The following CANT1 variants were observed in gnomAD, a reference collection of about 807,000 sequenced individuals.
CANT1 encodes calcium activated nucleotidase 1.
Under a neutral mutation model 30.0 loss-of-function variants are expected in CANT1, and 26 were observed. That is an observed-to-expected ratio of 0.87 (90% confidence interval 0.64 to 1.20). CANT1 has a LOEUF of 1.20. Ranked by LOEUF, CANT1 falls within the 50% of genes most tolerant of loss-of-function variation. The probability of loss-of-function intolerance (pLI) is 0.00; values close to 1 mark genes in which losing one functional copy is unlikely to be tolerated. For synonymous variants in CANT1, 246 were observed against 251.8 expected, an observed-to-expected ratio of 0.98 and a Z score of 0.22; for missense variants, 518 against 563.0, an observed-to-expected ratio of 0.92 and a Z score of 0.81.
rs1599229662 is a variant in CANT1 at position 78,998,348 on chromosome 17, C to T, written c.-146-385G>A. On this transcript the variant is annotated intron_variant, in intron 1 of 4. Coordinates refer to ENST00000392446, the MANE Select transcript of CANT1 (RefSeq NM_001159773.2). This position sits in a 1 kb window ranked among gnomAD's most constrained non-coding sequence, Gnocchi z 4.5. The stretch of plus-strand genomic sequence containing the variant: ...TAAAAACACTCCTTCTTTTTCGTAT[C>T]TGTTGTTGTTTTTGGCAGTGTCTGT... The T allele has an allele frequency of 1.3e-5, 2 of 152,450 alleles. No individual in the cohort carries two copies. The highest frequency in any genetic ancestry group is 4.8e-5 in the African/African-American group (2 of 41,472). 9.4% of individuals were successfully genotyped at this position (152,450 alleles called of 1,614,324 possible). A position where few individuals can be genotyped will look rare whatever the true frequency, so the allele number is the denominator to read the frequency against.
In CANT1 at chr17:78,997,293, G is replaced by A. The variant is rs368963278; in HGVS notation, c.330C>T (p.Ile110=). 3.8e-5 allele frequency: 61 copies of A among 1,614,054 alleles called. No individual in the cohort carries two copies. Among genetic ancestry groups the A allele is most frequent in the African/African-American group, 2.0e-4 (15 of 74,924 alleles). The change falls in exon 3 of 5, where the codon ATC becomes ATT. Residue 110 remains isoleucine (I), a synonymous_variant. Transcript: ENST00000392446. The surrounding 1 kb of genome is among the most constrained non-coding windows in gnomAD (Gnocchi z 7.5). ...CCCTTGACTCTGTGTCCAGGTCTGC[G>A]ATAACTGCGATTCGATACCGAATCC... ...PAGIRYRIAV[I]ADLDTESRAQ...
In CANT1 at chr17:78,997,014, G is replaced by A. The variant is rs200199592; in HGVS notation, c.609C>T (p.Asp203=). The change falls in exon 3 of 5, where the codon GAC becomes GAT. Residue 203 remains aspartate, a synonymous_variant. Transcript: ENST00000392446. This position sits in a 1 kb window ranked among gnomAD's most constrained non-coding sequence, Gnocchi z 7.5. ...TACCTTTCTCCACGGTGCCGTCGCC[G>A]TCGGACAGAATCACCCAGGGCACGG... ...SKAVPWVILS[D]GDGTVEKGFK... 4.9e-5 allele frequency: 79 copies of A among 1,614,162 alleles called. No individual in the cohort carries two copies. The highest frequency in any genetic ancestry group is 4.1e-4 in the South Asian group (37 of 91,088).
At chr17:79,001,661 C>G (rs983854351) in intron 1 of CANT1, among the ~76,000 whole-genome samples, 1 of 151,458 alleles carries the variant, frequency 6.6e-6, no homozygotes, top group Non-Finnish European at 1.5e-5. Context: ...CCACCTGAAG[C>G]CTTCACCAGT....
intron 1 of CANT1, among the ~76,000 whole-genome samples, chr17:79,001,034 G>C (rs1330133013): frequency 6.6e-6 from 1 of 152,130 alleles, no homozygotes; most frequent in East Asian, 1.9e-4. Context: ...CCCACCTTAG[G>C]CATATTATGA....
rs1324275618 is a variant in CANT1, at chr17:78,996,408, C to T, written c.631+584G>A. Among the ~76,000 whole-genome samples, 1 of 152,200 alleles carries T rather than the reference C, an allele frequency of 6.6e-6. No homozygotes were observed. The highest frequency in any genetic ancestry group is 1.5e-5 in the Non-Finnish European group (1 of 68,032). On this transcript the variant is annotated intron_variant, in intron 3 of 4. Transcript: ENST00000392446. This position sits in a 1 kb window ranked among gnomAD's most constrained non-coding sequence, Gnocchi z 5.1. ...CACTGGCCACCGTGCCTCCCCAAAG[C>T]CTGTCCCTGCCCTGTGGAAGCAGCA...
chr17:78,992,372 G>T lies in CANT1; in HGVS notation c.*1178C>A, dbSNP rs181138576. ...GTGCTGTGGGGAGGGCACTGTGAAT[G>T]ATGGAAACGTCCCTTCTCAGCCTGG... On this transcript the variant is annotated 3_prime_UTR_variant, in exon 5 of 5. Coordinates refer to ENST00000392446, the MANE Select transcript of CANT1 (RefSeq NM_001159773.2). 8.1e-4 allele frequency: 226 copies of T among 280,376 alleles called. 1 individual carries two copies. Among genetic ancestry groups the T allele is most frequent in the African/African-American group, 4.2e-3 (200 of 47,284 alleles). 17.4% of individuals were successfully genotyped at this position (280,376 alleles called of 1,614,324 possible).
chr17:78,995,178 G>T lies in CANT1; in HGVS notation c.675C>A (p.Tyr225Ter). 6.2e-7 allele frequency: 1 copy of T among 1,613,924 alleles called. No homozygotes were observed. Among genetic ancestry groups the T allele is most frequent in the Non-Finnish European group, 8.5e-7 (1 of 1,179,928 alleles). The change falls in exon 4 of 5, where the codon TAC becomes TAA. Residue 225 changes from tyrosine (Y) to a stop codon, truncating the protein, a stop_gained. Transcript: ENST00000392446. LOFTEE classifies it high-confidence loss of function. The surrounding 1 kb of genome is among the most constrained non-coding windows in gnomAD (Gnocchi z 5.7). ...TCCACTCCTTGCCCAGGCCGCCCACGTACAGACGCTCGTCCTTCACTGCCA... is the reference window on the plus strand; with the variant it reads ...TCCACTCCTTGCCCAGGCCGCCCACTTACAGACGCTCGTCCTTCACTGCCA... The part of the protein sequence containing the change: ...EWLAVKDERL[Y>*]VGGLGKEWTT...
rs767659113 is a variant in CANT1, at chr17:78,997,373, C to T, written c.250G>A (p.Ala84Thr). ...AHNWRLGQAP[A>T]NWYNDTYPLS... The stretch of plus-strand genomic sequence containing the variant: ...GGGTAGGTGTCATTGTACCAGTTGG[C>T]GGGCGCCTGGCCGAGCCTCCAGTTG... Residue 84 changes from alanine (A) to threonine (T), a missense_variant, in exon 3 of 5, where the codon GCC becomes ACC. Ala to Thr is a moderately conservative substitution (Grantham distance 58). Coordinates refer to ENST00000392446, the MANE Select transcript of CANT1 (RefSeq NM_001159773.2). The surrounding 1 kb of genome is among the most constrained non-coding windows in gnomAD (Gnocchi z 7.5). 9.4e-6 allele frequency: 15 copies of T among 1,587,584 alleles called. No homozygotes were observed. Among genetic ancestry groups the T allele is most frequent in the South Asian group, 6.6e-5 (6 of 90,534 alleles).
In CANT1 at chr17:78,997,963, T is replaced by C; in HGVS notation, c.-146A>G. The C allele has an allele frequency of 3.2e-6, 1 of 309,480 alleles. No individual in the cohort carries two copies. The highest frequency in any genetic ancestry group is 9.1e-5 in the South Asian group (1 of 10,950). The allele number at this position is 309,480 out of a possible 1,614,324, so 19.2% of individuals were successfully genotyped here. A position where few individuals can be genotyped will look rare whatever the true frequency, so the allele number is the denominator to read the frequency against. On this transcript the variant is annotated splice_region_variant and 5_prime_UTR_variant, in exon 2 of 5. Transcript: ENST00000392446. This position sits in a 1 kb window ranked among gnomAD's most constrained non-coding sequence, Gnocchi z 7.5. ...ATGCAGGCTGGTGCTCTGTGGTCCC[T>C]CTAAAGAGAGAAGCGCAGGAGAGTC...
chr17:78,996,962 C>T lies in CANT1; in HGVS notation c.631+30G>A, dbSNP rs754216030. The T allele has an allele frequency of 1.9e-6, 3 of 1,612,608 alleles. No individual in the cohort carries two copies. Among genetic ancestry groups the T allele is most frequent in the Admixed American group, 3.3e-5 (2 of 60,036 alleles). On this transcript the variant is annotated intron_variant, in intron 3 of 4. Coordinates refer to ENST00000392446, the MANE Select transcript of CANT1 (RefSeq NM_001159773.2). The surrounding 1 kb of genome is among the most constrained non-coding windows in gnomAD (Gnocchi z 5.1). Reference sequence around the variant, plus strand: ...GCCCTGAGCTCCCACTCCCCACCCACACCTCCATAAAACCTCAGGGTCCAG... The same window carrying T: ...GCCCTGAGCTCCCACTCCCCACCCATACCTCCATAAAACCTCAGGGTCCAG...
chr17:79,007,868 G>A (rs906283459), intron 1 of CANT1, among the ~76,000 whole-genome samples: 3 of 152,230 alleles, frequency 2.0e-5, no homozygotes, highest in African/African-American at 7.2e-5. Context: ...AGCCTCAGAT[G>A]TGCCCCTCCA....
In CANT1 at chr17:79,004,260, G is replaced by A. The variant is rs144815807; in HGVS notation, c.-147+5404C>T. On this transcript the variant is annotated intron_variant, in intron 1 of 4. Coordinates refer to ENST00000392446, the MANE Select transcript of CANT1 (RefSeq NM_001159773.2). ...GGAGAGGGGAGCTAGGGAGAGGACA[G>A]TTAGGGAGAGGAGTTAGGGAGGGGG... 1.7e-4 allele frequency among the ~76,000 whole-genome samples: 7 copies of A among 40,888 alleles called. No homozygotes were observed. The East Asian group carries it at 3.5e-3, about 20-fold the overall frequency. The allele number at this position is 40,888 out of a possible 152,430, so 26.8% of individuals were successfully genotyped here. A position where few individuals can be genotyped will look rare whatever the true frequency, so the allele number is the denominator to read the frequency against.
At chr17:78,994,439 A>G (rs910119614) in intron 4 of CANT1, among the ~76,000 whole-genome samples, 2 of 152,332 alleles carry the variant, frequency 1.3e-5, no homozygotes, top group East Asian at 1.9e-4. Context: ...GCCCAGCGCC[A>G]GGGGTAGGGA....
rs1185334903 is a variant in CANT1, at chr17:78,998,992, G to T, written c.-146-1029C>A. ...TCTGGGCCCCAAATATGTGGACCAC[G>T]AGGCCCTGGTGCACGGCAGCCAGCA... On this transcript the variant is annotated intron_variant, in intron 1 of 4. Coordinates refer to ENST00000392446, the MANE Select transcript of CANT1 (RefSeq NM_001159773.2). The surrounding 1 kb of genome is among the most constrained non-coding windows in gnomAD (Gnocchi z 4.5). 6.6e-6 allele frequency among the ~76,000 whole-genome samples: 1 copy of T among 152,178 alleles called. No individual in the cohort carries two copies. Among genetic ancestry groups the T allele is most frequent in the Admixed American group, 6.5e-5 (1 of 15,284 alleles).
In CANT1 at chr17:78,995,397, C is replaced by A. The variant is rs1258418162; in HGVS notation, c.632-176G>T. ...CCGCCCAGGGCCGGCCGGCTGCCCTCCCCTCAGCTCCTGAAGGTTCAGTGA... is the reference window on the plus strand; with the variant it reads ...CCGCCCAGGGCCGGCCGGCTGCCCTACCCTCAGCTCCTGAAGGTTCAGTGA... On this transcript the variant is annotated intron_variant, in intron 3 of 4. Coordinates refer to ENST00000392446, the MANE Select transcript of CANT1 (RefSeq NM_001159773.2). This position sits in a 1 kb window ranked among gnomAD's most constrained non-coding sequence, Gnocchi z 5.7. The A allele has an allele frequency of 2.0e-5, 13 of 656,696 alleles. No homozygotes were observed. Among genetic ancestry groups the A allele is most frequent in the Non-Finnish European group, 2.7e-5 (10 of 372,786 alleles). The allele number at this position is 656,696 out of a possible 1,614,324, so 40.7% of individuals were successfully genotyped here.
chr17:78,994,867 C>A (rs2070973657), intron 4 of CANT1, 151 bp downstream of exon 4: 3 of 820,224 alleles, frequency 3.7e-6, no homozygotes, highest in Non-Finnish European at 3.9e-6. Context: ...TTGCAGTGAG[C>A]TGAGATCGTG....
intron 1 of CANT1, chr17:79,005,848 C>T (rs924011497): frequency 1.3e-5 from 2 of 152,218 alleles, no homozygotes; most frequent in Non-Finnish European, 2.9e-5. Flanking sequence ...CCTGAGAGAA[C>T]ACGGGTGGCG....
rs972026288 is a variant in CANT1, at chr17:79,002,822, A to T, written c.-146-4859T>A. ...AGGACAAACGTCTCAGCCTGCAGAG[A>T]AAGCCTCAGTGGGTTTTTCCCCCTG... On this transcript the variant is annotated intron_variant, in intron 1 of 4. Transcript: ENST00000392446. This position sits in a 1 kb window ranked among gnomAD's most constrained non-coding sequence, Gnocchi z 4.0. Among the ~76,000 whole-genome samples the T allele has an allele frequency of 5.3e-5, 8 of 152,220 alleles. No individual in the cohort carries two copies. The highest frequency in any genetic ancestry group is 1.9e-4 in the African/African-American group (8 of 41,462).
chr17:79,007,872 C>G (rs1033551025), intron 1 of CANT1, among the ~76,000 whole-genome samples: 2 of 152,186 alleles, frequency 1.3e-5, no homozygotes, highest in Admixed American at 1.3e-4. Flanking sequence ...TCAGATGTGC[C>G]CCTCCAGCGA....
Sources: gnomAD v4.1 joint callset for allele counts (sites outside exome capture counted in the v4.1 genomes callset) on GRCh38, gnomAD v4.1.1 for gene constraint, Gnocchi (gnomAD v3.1) non-coding constraint, MANE v1.5 for transcripts, NCBI Gene and HGNC (gene_info 2026-07-23, HGNC 2026-07-21) for gene names.